Variants in NRXN3 observed in about 807,000 individuals in gnomAD.
NRXN3 encodes neurexin III.
A neutral mutation model predicts 137.6 loss-of-function variants in NRXN3; 32 were observed. The ratio of observed to expected loss-of-function variants is 0.23; its 90% CI spans 0.18 to 0.31. The LOEUF is 0.31. NRXN3 is among the 10% of genes least tolerant of loss of function. NRXN3 has a pLI of 1.00. For synonymous variants in NRXN3, 798 were observed against 784.5 expected, an observed-to-expected ratio of 1.02 and a Z score of -0.29; for missense variants, 1,574 against 2,062.5, an observed-to-expected ratio of 0.76 and a Z score of 4.59.
chr14:78,244,066 G>T (rs1178189242), intron 2 of NRXN3, among the ~76,000 whole-genome samples: 8 of 152,154 alleles, frequency 5.3e-5, no homozygotes, highest in Non-Finnish European at 2.9e-5. Flanking sequence ...TGCAGGGTCT[G>T]CCCCAGCTTG....
chr14:79,229,813 C>T (rs1273979481), intron 15 of NRXN3, among the ~76,000 whole-genome samples: 1 of 151,940 alleles, frequency 6.6e-6, no homozygotes, highest in East Asian at 1.9e-4. Context: ...CTGTGTAGAT[C>T]TAGTGCAGCC....
intron 8 of NRXN3, among the ~76,000 whole-genome samples, chr14:78,751,365 C>T (rs970777836): frequency 1.3e-5 from 2 of 152,144 alleles, no homozygotes; most frequent in African/African-American, 4.8e-5. Context: ...ACAAATTGCC[C>T]CCCAGTGTGG....
At chr14:79,495,427 A>AT (rs201886655) in intron 16 of NRXN3, among the ~76,000 whole-genome samples, 1,589 of 150,462 alleles carry the variant, frequency 0.011, 25 homozygotes, top group African/African-American at 0.035. Flanking sequence ...TTCTTTCTAC[A>AT]TTTTTTTTTT....
intron 4 of NRXN3, among the ~76,000 whole-genome samples, chr14:78,543,971 ACT>A (rs968763117): frequency 1.3e-5 from 2 of 151,652 alleles, no homozygotes; most frequent in Non-Finnish European, 2.9e-5. Context: ...GAATATTAAA[ACT>A]CTCTGCCTGA....
At chr14:79,637,890 T>C (rs2098413750) in intron 16 of NRXN3, among the ~76,000 whole-genome samples, 1 of 150,976 alleles carries the variant, frequency 6.6e-6, no homozygotes, top group Non-Finnish European at 1.5e-5. Context: ...CCACCATGCC[T>C]GGCTAATATT....
rs151257065 is a variant in NRXN3 at position 79,650,288 on chromosome 14, C to T, written c.3445-13490C>T. On this transcript the variant is annotated intron_variant, in intron 16 of 20. Coordinates refer to ENST00000335750, the MANE Select transcript of NRXN3 (RefSeq NM_001330195.2). Reference sequence around the variant, plus strand: ...GGTTACTTGGGCAATTTATCAATGACTGTCTGTGGATATTTATTTGGAAAT... The same window carrying T: ...GGTTACTTGGGCAATTTATCAATGATTGTCTGTGGATATTTATTTGGAAAT... Among the ~76,000 whole-genome samples, 538 of 152,272 alleles carry T rather than the reference C, an allele frequency of 3.5e-3. 8 individuals carry two copies. The South Asian group carries it at 0.036, about 10-fold the overall frequency.
chr14:78,187,581 A>T (rs1328756850), intron 1 of NRXN3, among the ~76,000 whole-genome samples: 2 of 152,136 alleles, frequency 1.3e-5, no homozygotes, highest in African/African-American at 4.8e-5. Context: ...GTTCTGGTAT[A>T]TAGGAGCTGT....
chr14:79,011,884 G>T (rs2099571929), intron 15 of NRXN3, among the ~76,000 whole-genome samples: 1 of 152,186 alleles, frequency 6.6e-6, no homozygotes, highest in Non-Finnish European at 1.5e-5. Context: ...GAGGACTGGG[G>T]TCATAAGGAA....
chr14:79,104,032 G>T (rs1457794137), intron 15 of NRXN3, among the ~76,000 whole-genome samples: 1 of 152,134 alleles, frequency 6.6e-6, no homozygotes, highest in East Asian at 1.9e-4. Flanking sequence ...GCCTGCACAT[G>T]CACAGATGTG....
chr14:79,153,991 A>T (rs1198462040), intron 15 of NRXN3, among the ~76,000 whole-genome samples: 1 of 152,018 alleles, frequency 6.6e-6, no homozygotes, highest in Non-Finnish European at 1.5e-5. Context: ...ACGCAGGATT[A>T]GTCATTGCCC....
chr14:79,517,222 TATG>T (rs1043895301), intron 16 of NRXN3, among the ~76,000 whole-genome samples: 2 of 152,158 alleles, frequency 1.3e-5, no homozygotes, highest in African/African-American at 4.8e-5. Context: ...TTCTTTTTCT[TATG>T]ATGAGTGAGA....
chr14:79,688,695 C>G (rs771287147), intron 17 of NRXN3, among the ~76,000 whole-genome samples: 3 of 152,178 alleles, frequency 2.0e-5, no homozygotes, highest in African/African-American at 4.8e-5. Flanking sequence ...AACTATGAAC[C>G]AGTTGGGCTT....
Position 79,861,170 on chromosome 14 carries a change from T to A in NRXN3, c.4094-172T>A, listed in dbSNP as rs2099413287. On this transcript the variant is annotated intron_variant, in intron 20 of 20. Transcript: ENST00000335750. The surrounding 1 kb of genome is among the most constrained non-coding windows in gnomAD (Gnocchi z 5.4). Reference sequence around the variant, plus strand: ...CACCATTATTGAGACCACCAAAGATTCCCTGTCCATGACCTCTGAGGCGGG... The same window carrying A: ...CACCATTATTGAGACCACCAAAGATACCCTGTCCATGACCTCTGAGGCGGG... 6.5e-7 allele frequency: 1 copy of A among 1,529,606 alleles called. No homozygotes were observed. Among genetic ancestry groups the A allele is most frequent in the Non-Finnish European group, 8.7e-7 (1 of 1,144,440 alleles). The allele number at this position is 1,529,606 out of a possible 1,614,324, so 94.8% of individuals were successfully genotyped here. A position where few individuals can be genotyped will look rare whatever the true frequency, so the allele number is the denominator to read the frequency against.
rs1596966280 is a variant in NRXN3, at chr14:79,182,643, G to T, written c.3262+194502G>T. Among the ~76,000 whole-genome samples the T allele has an allele frequency of 2.0e-5, 3 of 152,260 alleles. No homozygotes were observed. In the East Asian group the frequency reaches 5.8e-4, roughly 29 times the overall value. ...ACCTGCTGCTCACCTCCTGCTGTGT[G>T]GCCCCAGTTTCTAACGGGCCACAGA... On this transcript the variant is annotated intron_variant, in intron 15 of 20. Transcript: ENST00000335750.
chr14:79,359,193 G>A (rs986022760), intron 15 of NRXN3, among the ~76,000 whole-genome samples: 7 of 152,084 alleles, frequency 4.6e-5, no homozygotes, highest in African/African-American at 1.4e-4. Context: ...CTTTCAATGC[G>A]TATCTGTTCT....
chr14:79,010,748 C>A (rs939314732), intron 15 of NRXN3, among the ~76,000 whole-genome samples: 7 of 152,104 alleles, frequency 4.6e-5, no homozygotes, highest in Admixed American at 6.5e-5. Flanking sequence ...ATTACCCAAA[C>A]AAGTAGATAT....
intron 15 of NRXN3, among the ~76,000 whole-genome samples, chr14:79,383,286 T>C (rs762707796): frequency 1.2e-4 from 19 of 152,136 alleles, no homozygotes; most frequent in Non-Finnish European, 2.5e-4. Context: ...TGCCTTTCAT[T>C]TGCTGAATAT....
chr14:78,333,150 G>A (rs756652307), intron 4 of NRXN3, among the ~76,000 whole-genome samples: 1 of 152,192 alleles, frequency 6.6e-6, no homozygotes, highest in East Asian at 1.9e-4. Flanking sequence ...CAGAACTCTT[G>A]CTCCTTGGAT....
intron 10 of NRXN3, among the ~76,000 whole-genome samples, chr14:78,947,928 A>G (rs2099370403): frequency 6.6e-6 from 1 of 152,190 alleles, no homozygotes; most frequent in South Asian, 2.1e-4. Flanking sequence ...TCACAATTCA[A>G]TAGCTTGTGA....
Sources: allele counts gnomAD v4.1 joint callset (sites outside exome capture counted in the v4.1 genomes callset), GRCh38; gene constraint gnomAD v4.1.1; non-coding constraint Gnocchi (gnomAD v3.1); transcripts MANE v1.5; gene names NCBI Gene and HGNC (gene_info 2026-07-23, HGNC 2026-07-21).